Variants in CSMD1 observed in about 807,000 individuals in gnomAD.
CSMD1 encodes CUB and Sushi multiple domains 1.
CSMD1 carries 213 observed loss-of-function variants against 417.5 expected under a neutral mutation model. The observed-to-expected ratio is 0.51, with a 90% CI of 0.46 to 0.57. The LOEUF is 0.57. Among genes scored for constraint, CSMD1 ranks in the 20% least tolerant of loss-of-function variants. CSMD1 has a pLI of 0.00. For synonymous variants in CSMD1, 2,862 were observed against 1,736.8 expected, an observed-to-expected ratio of 1.65 and a Z score of -16.11; for missense variants, 6,923 against 4,529.7, an observed-to-expected ratio of 1.53 and a Z score of -15.17.
Position 2,940,287 on chromosome 8 carries a change from C to T in CSMD1, c.10536-1543G>A, listed in dbSNP as rs182169283. Among the ~76,000 whole-genome samples the T allele has an allele frequency of 1.7e-3, 255 of 152,264 alleles. 1 individual carries two copies. The highest frequency in any genetic ancestry group is 5.7e-3 in the African/African-American group (235 of 41,552). ...TCCACCATCCCTCGCTCCTATGGCA[C>T]AGAAGTAGAGAACTAAAAGACCCAA... is the stretch of plus-strand genomic sequence containing the variant. On this transcript the variant is annotated intron_variant, in intron 69 of 69. Transcript: ENST00000635120.
At chr8:4,764,558 G>T (rs1450001661) in intron 1 of CSMD1, among the ~76,000 whole-genome samples, 2 of 152,014 alleles carry the variant, frequency 1.3e-5, no homozygotes, top group Non-Finnish European at 2.9e-5. Flanking sequence ...AACCAGCCAA[G>T]CTGCTCTCTA....
intron 40 of CSMD1, 65 bp downstream of exon 40, chr8:3,151,332 T>G: frequency 3.9e-6 from 4 of 1,029,318 alleles, no homozygotes; most frequent in Non-Finnish European, 4.5e-6. Context: ...TTTATTCTGC[T>G]TAATTCTTTC....
chr8:3,065,592 C>T (rs146756859), intron 49 of CSMD1, among the ~76,000 whole-genome samples: 4 of 150,860 alleles, frequency 2.7e-5, no homozygotes, highest in African/African-American at 9.8e-5. Context: ...ATACACAGAT[C>T]GATAGGAAGA....
chr8:4,596,991 C>T (rs987939055), intron 2 of CSMD1, among the ~76,000 whole-genome samples: 1 of 152,174 alleles, frequency 6.6e-6, no homozygotes, highest in Non-Finnish European at 1.5e-5. Flanking sequence ...TCTTTCCTCC[C>T]GCCATGATTC....
intron 15 of CSMD1, among the ~76,000 whole-genome samples, chr8:3,402,920 C>T (rs1416884109): frequency 6.6e-6 from 1 of 151,960 alleles, no homozygotes; most frequent in African/African-American, 2.4e-5. Flanking sequence ...TAGACATTTT[C>T]CTTGAAACAC....
In CSMD1 at chr8:3,472,628, G is replaced by A. The variant is rs73660042; in HGVS notation, c.1449-3804C>T. The stretch of plus-strand genomic sequence containing the variant: ...ATTTCCAGACTCACACTAGACACAT[G>A]GTGCCACATTTTTTTCCTGAATTAT... On this transcript the variant is annotated intron_variant, in intron 11 of 69. Coordinates refer to ENST00000635120, the MANE Select transcript of CSMD1 (RefSeq NM_033225.6). Among the ~76,000 whole-genome samples the A allele has an allele frequency of 6.9e-3, 1,044 of 152,078 alleles. 18 individuals are homozygous for A. The highest frequency in any genetic ancestry group is 0.023 in the African/African-American group (957 of 41,476).
chr8:4,779,508 C>A (rs1292355218), intron 1 of CSMD1, among the ~76,000 whole-genome samples: 2 of 151,974 alleles, frequency 1.3e-5, no homozygotes, highest in Non-Finnish European at 2.9e-5. Context: ...GTCCTAAACC[C>A]AATGCAGTTA....
intron 3 of CSMD1, among the ~76,000 whole-genome samples, chr8:4,336,205 A>G (rs769239166): frequency 2.2e-4 from 34 of 152,176 alleles, no homozygotes; most frequent in Non-Finnish European, 4.7e-4. Flanking sequence ...CAGGGAATGC[A>G]GGTAGTATGA....
chr8:3,598,340 G>C (rs1340936275), intron 8 of CSMD1: 3 of 152,170 alleles, frequency 2.0e-5, no homozygotes, highest in Non-Finnish European at 4.4e-5. Flanking sequence ...TTGATGGCTG[G>C]TATGTTTGCT....
chr8:3,264,695 C>T (rs1461234095), intron 26 of CSMD1, among the ~76,000 whole-genome samples: 1 of 152,068 alleles, frequency 6.6e-6, no homozygotes, highest in Non-Finnish European at 1.5e-5. Context: ...GTATTGTGTC[C>T]TAATTTAACT....
chr8:3,409,565 G>C lies in CSMD1; in HGVS notation c.1602C>G (p.Ala534=). 1 of 1,609,142 alleles carries C rather than the reference G, an allele frequency of 6.2e-7. No individual in the cohort carries two copies. Among genetic ancestry groups the C allele is most frequent in the Non-Finnish European group, 8.5e-7 (1 of 1,177,566 alleles). ...KGGCGDPGIP[A]YGKRTGSSFL... ...AACTGCTGCCCGTCCGCTTCCCATA[G>C]GCGGGGATTCCAGGATCCCCACACC... is the stretch of plus-strand genomic sequence containing the variant. The change falls in exon 13 of 70, where the codon GCC becomes GCG. Residue 534 remains alanine, a synonymous_variant. Coordinates refer to ENST00000635120, the MANE Select transcript of CSMD1 (RefSeq NM_033225.6).
intron 2 of CSMD1, among the ~76,000 whole-genome samples, chr8:4,476,572 T>C (rs552255467): frequency 6.6e-6 from 1 of 152,262 alleles, no homozygotes; most frequent in African/African-American, 2.4e-5. Context: ...TAAAACATAA[T>C]CAAATAGGTC....
Position 4,381,405 on chromosome 8 carries a change from G to C in CSMD1, c.415+38548C>G, listed in dbSNP as rs1317149970. Among the ~76,000 whole-genome samples the C allele has an allele frequency of 2.0e-5, 3 of 152,102 alleles. No homozygotes were observed. The East Asian group carries it at 5.8e-4, about 29-fold the overall frequency. On this transcript the variant is annotated intron_variant, in intron 3 of 69. Coordinates refer to ENST00000635120, the MANE Select transcript of CSMD1 (RefSeq NM_033225.6). ...GAGTAAGCAGGGGTGGAAAACCCATGAATATTTCCTGACGTAAAACCCATT... is the reference window on the plus strand; with the variant it reads ...GAGTAAGCAGGGGTGGAAAACCCATCAATATTTCCTGACGTAAAACCCATT...
At chr8:4,588,650 T>C (rs900982194) in intron 2 of CSMD1, among the ~76,000 whole-genome samples, 1 of 151,878 alleles carries the variant, frequency 6.6e-6, no homozygotes, top group African/African-American at 2.4e-5. Flanking sequence ...CCGGGCGTGG[T>C]GGCGGGCGCC....
At chr8:3,810,471 C>G (rs1290233562) in intron 5 of CSMD1, among the ~76,000 whole-genome samples, 3 of 152,070 alleles carry the variant, frequency 2.0e-5, no homozygotes, top group Non-Finnish European at 2.9e-5. Flanking sequence ...ACACTGCAGA[C>G]TCTGAGGCAG....
chr8:3,653,032 G>C (rs1026490136), intron 7 of CSMD1, among the ~76,000 whole-genome samples: 12 of 152,036 alleles, frequency 7.9e-5, no homozygotes, highest in Non-Finnish European at 1.2e-4. Flanking sequence ...GCCAATAAAA[G>C]ACACAAATGT....
At chr8:3,587,194 G>A (rs565228474) in intron 8 of CSMD1, among the ~76,000 whole-genome samples, 26 of 152,356 alleles carry the variant, frequency 1.7e-4, no homozygotes, top group African/African-American at 6.0e-4. Context: ...CTTTACGGTT[G>A]TAAACATTAA....
At chr8:4,184,359 C>A (rs1344240190) in intron 3 of CSMD1, among the ~76,000 whole-genome samples, 1 of 152,256 alleles carries the variant, frequency 6.6e-6, no homozygotes, top group Non-Finnish European at 1.5e-5. Flanking sequence ...AACACTGGAA[C>A]TGTGCTCCCT....
chr8:3,243,078 G>T (rs901984247), intron 26 of CSMD1, among the ~76,000 whole-genome samples: 1 of 152,164 alleles, frequency 6.6e-6, no homozygotes, highest in Non-Finnish European at 1.5e-5. Context: ...GAAATTAACA[G>T]AAGGGAGAGA....
Sources: allele counts gnomAD v4.1 joint callset (sites outside exome capture counted in the v4.1 genomes callset), GRCh38; gene constraint gnomAD v4.1.1; transcripts MANE v1.5; gene names NCBI Gene and HGNC (gene_info 2026-07-23, HGNC 2026-07-21).